Variants in ADAMTS3 observed in about 807,000 individuals in gnomAD.
ADAMTS3 encodes ADAM metallopeptidase with thrombospondin type 1 motif 3, also known as A disintegrin and metalloproteinase with thrombospondin motifs 3.
ADAMTS3 carries 73 observed loss-of-function variants against 129.0 expected under a neutral mutation model. The ratio of observed to expected loss-of-function variants is 0.57; its 90% CI spans 0.47 to 0.69. The LOEUF (loss-of-function observed/expected upper bound fraction) is 0.69, where lower values mean the gene tolerates loss of function less well. Ranked by LOEUF, ADAMTS3 falls within the 30% of genes least tolerant of loss-of-function variation. The pLI, the probability that ADAMTS3 is intolerant of heterozygous loss-of-function variation, is 0.00. For missense variants in ADAMTS3, 1,457 were observed against 1,514.5 expected (o/e 0.96, Z 0.63); for synonymous variants, 477 against 510.8 (o/e 0.93, Z 0.89).
chr4:72,568,561 C>G (rs1722080993), intron 1 of ADAMTS3, 133 bp downstream of exon 1: 2 of 743,296 alleles, frequency 2.7e-6, no homozygotes, highest in Non-Finnish European at 4.5e-6. Flanking sequence ...CTCAAAACAC[C>G]GTTTCTGAAC....
At chr4:72,349,711 A>C (rs1321718828) in intron 4 of ADAMTS3, among the ~76,000 whole-genome samples, 1 of 152,010 alleles carries the variant, frequency 6.6e-6, no homozygotes, top group African/African-American at 2.4e-5. Flanking sequence ...CTGATTAAAA[A>C]TTTACTTCAT....
chr4:72,318,927 T>C (rs1005122028), intron 9 of ADAMTS3, among the ~76,000 whole-genome samples: 6 of 152,160 alleles, frequency 3.9e-5, no homozygotes, highest in African/African-American at 1.4e-4. Flanking sequence ...GACTTAGGAA[T>C]GTAGTAGAGC....
At chr4:72,519,423 T>C (rs1213857033) in intron 3 of ADAMTS3, among the ~76,000 whole-genome samples, 1 of 152,248 alleles carries the variant, frequency 6.6e-6, no homozygotes, top group Non-Finnish European at 1.5e-5. Flanking sequence ...GATAATATCC[T>C]GCAGAGTGTT....
At chr4:72,477,235 T>C (rs1301759653) in intron 3 of ADAMTS3, among the ~76,000 whole-genome samples, 1 of 152,000 alleles carries the variant, frequency 6.6e-6, no homozygotes, top group Non-Finnish European at 1.5e-5. Context: ...CAACAGAATA[T>C]GCATTCTTCT....
chr4:72,436,469 C>T (rs1385238509), intron 3 of ADAMTS3, among the ~76,000 whole-genome samples: 1 of 152,072 alleles, frequency 6.6e-6, no homozygotes, highest in Non-Finnish European at 1.5e-5. Context: ...GGATCTAGAA[C>T]TAGAAATACC....
intron 3 of ADAMTS3, among the ~76,000 whole-genome samples, chr4:72,420,329 G>A (rs1241840797): frequency 6.6e-6 from 1 of 152,110 alleles, no homozygotes; most frequent in Admixed American, 6.6e-5. Flanking sequence ...TACTTAAGGG[G>A]TGTTTCCCCT....
intron 2 of ADAMTS3, among the ~76,000 whole-genome samples, chr4:72,560,565 C>T (rs1284376302): frequency 6.6e-6 from 1 of 152,142 alleles, no homozygotes; most frequent in Non-Finnish European, 1.5e-5. Context: ...AGCCATTATC[C>T]TCAGCAAACT....
At chr4:72,428,266 C>T (rs1032347821) in intron 3 of ADAMTS3, among the ~76,000 whole-genome samples, 2 of 151,888 alleles carry the variant, frequency 1.3e-5, no homozygotes, top group African/African-American at 4.8e-5. Flanking sequence ...TTATGAAATC[C>T]ATGGCATATA....
intron 4 of ADAMTS3, among the ~76,000 whole-genome samples, chr4:72,388,750 GGAC>G (rs1721508852): frequency 6.6e-6 from 1 of 152,144 alleles, no homozygotes; most frequent in African/African-American, 2.4e-5. Context: ...AGGATTCACA[GGAC>G]TCAGCATATA....
At chr4:72,338,650 G>A (rs1258709371) in intron 5 of ADAMTS3, among the ~76,000 whole-genome samples, 2 of 151,928 alleles carry the variant, frequency 1.3e-5, no homozygotes, top group East Asian at 3.9e-4. Context: ...AAGTTGTGAG[G>A]GGGGAGGGTG....
chr4:72,312,841 T>C (rs1210709814), intron 12 of ADAMTS3, among the ~76,000 whole-genome samples: 2 of 152,180 alleles, frequency 1.3e-5, no homozygotes, highest in East Asian at 1.9e-4. Context: ...TTCCCTCATA[T>C]GTAAAATGCA....
intron 3 of ADAMTS3, among the ~76,000 whole-genome samples, chr4:72,485,011 A>G (rs1299446998): frequency 6.6e-6 from 1 of 152,068 alleles, no homozygotes; most frequent in Admixed American, 6.6e-5. Flanking sequence ...AAATGTCAGT[A>G]AGATGAAATG....
intron 15 of ADAMTS3, among the ~76,000 whole-genome samples, chr4:72,306,523 G>T (rs991973624): frequency 3.9e-5 from 6 of 151,936 alleles, no homozygotes; most frequent in Non-Finnish European, 8.8e-5. Context: ...AGTATAGACA[G>T]CTAAACTTCT....
At chr4:72,406,399 T>G (rs1722053816) in intron 4 of ADAMTS3, among the ~76,000 whole-genome samples, 1 of 152,152 alleles carries the variant, frequency 6.6e-6, no homozygotes, top group Non-Finnish European at 1.5e-5. Context: ...CTTTTTCCTG[T>G]TTTTTTCTTT....
chr4:72,312,602 T>G (rs965860591), intron 12 of ADAMTS3, 136 bp from the exon 13 acceptor site: 1 of 707,856 alleles, frequency 1.4e-6, no homozygotes, highest in African/African-American at 1.8e-5. Context: ...TACTTCCTAA[T>G]TTCAGTCCCT....
intron 3 of ADAMTS3, among the ~76,000 whole-genome samples, chr4:72,434,945 T>C (rs775207458): frequency 6.6e-6 from 1 of 151,768 alleles, no homozygotes; most frequent in Non-Finnish European, 1.5e-5. Context: ...AACAAGAAAA[T>C]GTGGATCTCA....
chr4:72,297,047 T>C (rs759334574), intron 18 of ADAMTS3, among the ~76,000 whole-genome samples: 2 of 152,166 alleles, frequency 1.3e-5, no homozygotes, highest in Admixed American at 6.6e-5. Flanking sequence ...ATGTTGTGTC[T>C]TCAGGGCAAC....
chr4:72,540,022 C>G (rs1156934755), intron 3 of ADAMTS3, among the ~76,000 whole-genome samples: 1 of 152,126 alleles, frequency 6.6e-6, no homozygotes, highest in Non-Finnish European at 1.5e-5. Context: ...AATGTGAAAG[C>G]AACTTTGGAA....
intron 3 of ADAMTS3, among the ~76,000 whole-genome samples, chr4:72,508,165 G>T (rs1720213356): frequency 6.6e-6 from 1 of 152,004 alleles, no homozygotes; most frequent in South Asian, 2.1e-4. Context: ...AAACATAGAA[G>T]TCCCCCTAAA....
Sources: allele counts gnomAD v4.1 joint callset (sites outside exome capture counted in the v4.1 genomes callset), GRCh38; gene constraint gnomAD v4.1.1; transcripts MANE v1.5; gene names NCBI Gene and HGNC (gene_info 2026-07-23, HGNC 2026-07-21).